Variants in ESRRB observed in about 807,000 individuals in gnomAD.
ESRRB encodes estrogen related receptor beta.
Under a neutral mutation model 46.0 loss-of-function variants are expected in ESRRB, and 16 were observed. The observed-to-expected ratio is 0.35, with a 90% CI of 0.24 to 0.53. The LOEUF is 0.53. Among genes scored for constraint, ESRRB ranks in the 20% least tolerant of loss-of-function variants. The pLI is 0.93. For synonymous variants in ESRRB, 246 were observed against 259.6 expected, an observed-to-expected ratio of 0.95 and a Z score of 0.50; for missense variants, 488 against 607.4, an observed-to-expected ratio of 0.80 and a Z score of 2.07.
Position 76,376,247 on chromosome 14 carries a change from C to A in ESRRB, c.-155C>A. 1 of 437,606 alleles carries A rather than the reference C, an allele frequency of 2.3e-6. No individual in the cohort carries two copies. The highest frequency in any genetic ancestry group is 6.1e-4 in the Middle Eastern group (1 of 1,650). 27.1% of individuals were successfully genotyped at this position (437,606 alleles called of 1,614,324 possible). A position where few individuals can be genotyped will look rare whatever the true frequency, so the allele number is the denominator to read the frequency against. On this transcript the variant is annotated 5_prime_UTR_variant, in exon 1 of 7. Coordinates refer to ENST00000644823, the MANE Select transcript of ESRRB (RefSeq NM_001379180.1). This position sits in a 1 kb window ranked among gnomAD's most constrained non-coding sequence, Gnocchi z 4.1. ...GCTGTGCGCGCACGGCTCTCTGCCT[C>A]CCTCTCCCCCGCCGCGGCCGCCTCC...
chr14:76,414,222 C>T (rs2139870444), intron 1 of ESRRB, among the ~76,000 whole-genome samples: 1 of 101,500 alleles, frequency 9.9e-6, no homozygotes, highest in South Asian at 3.9e-4. Context: ...CTGCATACTG[C>T]ATGCCCTGAA....
At chr14:76,486,778 C>T (rs1890039226) in intron 5 of ESRRB, among the ~76,000 whole-genome samples, 1 of 152,174 alleles carries the variant, frequency 6.6e-6, no homozygotes, top group South Asian at 2.1e-4. Context: ...GAGCCCGGCA[C>T]AGGGACACCC....
intron 6 of ESRRB, among the ~76,000 whole-genome samples, chr14:76,493,861 C>T (rs1179378879): frequency 6.6e-6 from 1 of 152,240 alleles, no homozygotes; most frequent in Non-Finnish European, 1.5e-5. Flanking sequence ...GCAGGGCCTA[C>T]CCTCCTCTGC....
intron 1 of ESRRB, among the ~76,000 whole-genome samples, chr14:76,404,048 T>C (rs913169767): frequency 3.9e-5 from 6 of 152,136 alleles, no homozygotes; most frequent in African/African-American, 7.2e-5. Flanking sequence ...GCTCCAATCA[T>C]TGGTGTGACT....
chr14:76,435,108 T>A (rs952364363), intron 1 of ESRRB, among the ~76,000 whole-genome samples: 5 of 152,218 alleles, frequency 3.3e-5, no homozygotes, highest in African/African-American at 1.2e-4. Flanking sequence ...GTGTCTCACA[T>A]GCAGCTGGGG....
At chr14:76,386,426 A>G (rs1885230333) in intron 1 of ESRRB, among the ~76,000 whole-genome samples, 1 of 151,794 alleles carries the variant, frequency 6.6e-6, no homozygotes, top group Admixed American at 6.6e-5. Context: ...ACCAAGCCCG[A>G]AAGATTAATT....
intron 1 of ESRRB, among the ~76,000 whole-genome samples, chr14:76,423,890 G>C (rs908983963): frequency 6.6e-6 from 1 of 152,032 alleles, no homozygotes; most frequent in African/African-American, 2.4e-5. Flanking sequence ...GAGTGACCTG[G>C]GGGGAGAGTG....
upstream of ESRRB, among the ~76,000 whole-genome samples, chr14:76,370,806 CA>C (rs1170550750): frequency 6.6e-6 from 1 of 152,184 alleles, no homozygotes; most frequent in African/African-American, 2.4e-5. Flanking sequence ...CCTCATCCTC[CA>C]ACCTGCCTGC....
At chr14:76,432,707 G>A (rs1409014138) in intron 1 of ESRRB, among the ~76,000 whole-genome samples, 2 of 105,632 alleles carry the variant, frequency 1.9e-5, no homozygotes, top group South Asian at 3.1e-4. Flanking sequence ...ACGGTGTCTC[G>A]CCCTGTCACC....
intron 1 of ESRRB, among the ~76,000 whole-genome samples, chr14:76,403,004 A>C (rs1886008219): frequency 6.6e-6 from 1 of 152,108 alleles, no homozygotes; most frequent in South Asian, 2.1e-4. Context: ...TTGGCCAGGC[A>C]GCTTTCAAAC....
At chr14:76,360,057 G>A (rs528705075) in intron 1 of ESRRB, among the ~76,000 whole-genome samples, 1 of 152,132 alleles carries the variant, frequency 6.6e-6, no homozygotes, top group Non-Finnish European at 1.5e-5. Flanking sequence ...GGTTGCCAGG[G>A]TCTAGTTTTC....
At chr14:76,397,912 T>C (rs945873474) in intron 1 of ESRRB, among the ~76,000 whole-genome samples, 1 of 152,252 alleles carries the variant, frequency 6.6e-6, no homozygotes, top group African/African-American at 2.4e-5. Flanking sequence ...TTATAGAAGA[T>C]ACAACAGCAG....
intron 1 of ESRRB, among the ~76,000 whole-genome samples, chr14:76,423,234 C>A (rs1887051521): frequency 6.6e-6 from 1 of 150,478 alleles, no homozygotes; most frequent in Non-Finnish European, 1.5e-5. Context: ...TCCTCTGCCT[C>A]CCGCGCTCAA....
At chr14:76,424,394 T>C (rs1167282596) in intron 1 of ESRRB, among the ~76,000 whole-genome samples, 1 of 152,210 alleles carries the variant, frequency 6.6e-6, no homozygotes, top group East Asian at 1.9e-4. Context: ...CCTGGGGCGC[T>C]GGCTGATCCC....
At position 76,398,134 on chromosome 14, in the gene ESRRB, C is replaced by A. The variant is rs151196350; in HGVS notation, c.50+21683C>A. Among the ~76,000 whole-genome samples the A allele has an allele frequency of 4.0e-3, 610 of 152,338 alleles. 4 individuals carry two copies. The highest frequency in any genetic ancestry group is 0.014 in the African/African-American group (589 of 41,566). On this transcript the variant is annotated intron_variant, in intron 1 of 6. Coordinates refer to ENST00000644823, the MANE Select transcript of ESRRB (RefSeq NM_001379180.1). Reference sequence around the variant, plus strand: ...TTCAATAGCCCTGCTAGCTGGCATGCATTGAAGTATTTCCTATATGCCAGG... The same window carrying A: ...TTCAATAGCCCTGCTAGCTGGCATGAATTGAAGTATTTCCTATATGCCAGG...
intron 1 of ESRRB, among the ~76,000 whole-genome samples, chr14:76,318,021 C>G (rs1181804147): frequency 1.3e-5 from 2 of 152,180 alleles, no homozygotes; most frequent in Non-Finnish European, 2.9e-5. Flanking sequence ...CTATAAGCAC[C>G]TCTAGGGGTT....
chr14:76,370,181 A>G (rs558410685), upstream of ESRRB, among the ~76,000 whole-genome samples: 1 of 151,376 alleles, frequency 6.6e-6, no homozygotes, highest in South Asian at 2.1e-4. Context: ...TGAGGTCAGG[A>G]GTTCGAGACC....
chr14:76,405,581 A>T (rs1886151010), intron 1 of ESRRB, among the ~76,000 whole-genome samples: 2 of 152,014 alleles, frequency 1.3e-5, no homozygotes, highest in Non-Finnish European at 2.9e-5. Flanking sequence ...TGTTGGTGAG[A>T]CCTCAGGAAA....
At chr14:76,449,577 T>C (rs1001519333) in intron 2 of ESRRB, among the ~76,000 whole-genome samples, 1 of 151,870 alleles carries the variant, frequency 6.6e-6, no homozygotes, top group African/African-American at 2.4e-5. Context: ...AAAGTTTGTT[T>C]TTATTTACTC....
Sources: gnomAD v4.1 joint callset for allele counts (sites outside exome capture counted in the v4.1 genomes callset) on GRCh38, gnomAD v4.1.1 for gene constraint, Gnocchi (gnomAD v3.1) non-coding constraint, MANE v1.5 for transcripts, NCBI Gene and HGNC (gene_info 2026-07-23, HGNC 2026-07-21) for gene names.